MMD2: variants seen among roughly 807,000 people sequenced by gnomAD.
MMD2 encodes monocyte to macrophage differentiation associated 2, also known as monocyte to macrophage differentiation factor 2.
Under a neutral mutation model 33.5 loss-of-function variants are expected in MMD2, and 30 were observed. The ratio of observed to expected loss-of-function variants is 0.90; its 90% CI spans 0.67 to 1.22. The LOEUF (loss-of-function observed/expected upper bound fraction) is 1.22, where lower values mean the gene tolerates loss of function less well. Ranked by LOEUF, MMD2 falls within the 50% of genes most tolerant of loss-of-function variation. The pLI is 0.00. For synonymous variants in MMD2, 129 were observed against 123.0 expected, an observed-to-expected ratio of 1.05 and a Z score of -0.32; for missense variants, 364 against 325.4, an observed-to-expected ratio of 1.12 and a Z score of -0.91.
At chr7:4,903,819 G>A (rs551683455), downstream of MMD2, among the ~76,000 whole-genome samples, 1 of 152,340 alleles carries the variant, frequency 6.6e-6, no homozygotes, top group East Asian at 1.9e-4. Context: ...GCTGCCGACT[G>A]CTCTCCTGAC....
intron 4 of MMD2, among the ~76,000 whole-genome samples, chr7:4,913,773 T>G (rs1204099710): frequency 6.7e-6 from 1 of 149,268 alleles, no homozygotes; most frequent in Non-Finnish European, 1.5e-5. Context: ...GCCATTCTCC[T>G]GCCTTAGCCT....
At chr7:4,956,582 T>C (rs1382988381) in intron 1 of MMD2, among the ~76,000 whole-genome samples, 2 of 152,114 alleles carry the variant, frequency 1.3e-5, no homozygotes, top group Non-Finnish European at 2.9e-5. Context: ...AGAAGCTGCA[T>C]TGGCCCAAGC....
At chr7:4,907,669 C>G in intron 6 of MMD2, 70 bp from the exon 7 acceptor site, 1 of 1,522,276 alleles carries the variant, frequency 6.6e-7, no homozygotes, top group Non-Finnish European at 9.1e-7. Context: ...ACCAGCCAGT[C>G]CCCACCACCC....
At position 4,931,126 on chromosome 7, in the gene MMD2, C is replaced by T. The variant is rs116680819; in HGVS notation, c.48-5594G>A. On this transcript the variant is annotated intron_variant, in intron 1 of 6. Transcript: ENST00000401401. ...TCTGGCTCCTAAAGTGCCGGGGTTA[C>T]AGGCGTGAGCCACTGTGCCCGGCCT... is the stretch of plus-strand genomic sequence containing the variant. Among the ~76,000 whole-genome samples, 350 of 152,244 alleles carry T rather than the reference C, an allele frequency of 2.3e-3. 1 individual carries two copies. Among genetic ancestry groups the T allele is most frequent in the African/African-American group, 7.7e-3 (321 of 41,554 alleles).
At position 4,927,724 on chromosome 7, in the gene MMD2, A is replaced by C. The variant is rs539571838; in HGVS notation, c.48-2192T>G. The stretch of plus-strand genomic sequence containing the variant: ...TCATTCTCAAAAAAACCAAACCAAA[A>C]CAAAACAAACAAAACAAAAATTCCC... On this transcript the variant is annotated intron_variant, in intron 1 of 6. Coordinates refer to ENST00000401401, the MANE Select transcript of MMD2 (RefSeq NM_198403.4). Among the ~76,000 whole-genome samples, 40 of 152,060 alleles carry C rather than the reference A, an allele frequency of 2.6e-4. 1 individual carries two copies. The highest frequency in any genetic ancestry group is 1.7e-3 in the South Asian group (8 of 4,824).
chr7:4,912,078 G>A (rs1242758682), intron 4 of MMD2, among the ~76,000 whole-genome samples: 2 of 151,388 alleles, frequency 1.3e-5, no homozygotes, highest in African/African-American at 4.9e-5. Flanking sequence ...CTCCAGCCTG[G>A]GCAACAGAGT....
intron 1 of MMD2, among the ~76,000 whole-genome samples, chr7:4,932,482 C>A (rs1401862261): frequency 6.6e-6 from 1 of 152,164 alleles, no homozygotes; most frequent in African/African-American, 2.4e-5. Flanking sequence ...TACGGAGAGT[C>A]CTGTAACTGC....
At chr7:4,916,371 CTTTTTTTTT>C (rs553309427) in intron 3 of MMD2, among the ~76,000 whole-genome samples, 2 of 64,784 alleles carry the variant, frequency 3.1e-5, no homozygotes, top group Middle Eastern at 0.011. Flanking sequence ...CTCCGTCCCA[CTTTTTTTTT>C]TTTTTTTTTT....
intron 1 of MMD2, among the ~76,000 whole-genome samples, chr7:4,948,067 A>T (rs1786140841): frequency 6.6e-6 from 1 of 152,134 alleles, no homozygotes; most frequent in South Asian, 2.1e-4. Flanking sequence ...GGATACTGCT[A>T]AACCATTCAT....
the MMD2 span, among the ~76,000 whole-genome samples, chr7:4,899,090 G>A: frequency 6.6e-6 from 1 of 152,118 alleles, no homozygotes; most frequent in Non-Finnish European, 1.5e-5. Flanking sequence ...AGGCCTGAGA[G>A]AGCTGCTTTG....
Position 4,959,145 on chromosome 7 carries a change from C to CCCGGAG in MMD2, c.-134_-129dup, listed in dbSNP as rs1000594843. 1.4e-4 allele frequency: 105 copies of CCCGGAG among 738,350 alleles called. 1 individual carries two copies. The South Asian group carries it at 2.2e-3, about 16-fold the overall frequency. 45.7% of individuals were successfully genotyped at this position (738,350 alleles called of 1,614,324 possible). A position where few individuals can be genotyped will look rare whatever the true frequency, so the allele number is the denominator to read the frequency against. ...GGGGGCCAAGGGGACCTGGTCGGCG[C>CCCGGAG]CCGGAGCCGGAGCCGGAGCCCGAGC... On this transcript the variant is annotated 5_prime_UTR_variant, in exon 1 of 7. Transcript: ENST00000401401.
chr7:4,899,093 C>CT, the MMD2 span, among the ~76,000 whole-genome samples: 1 of 152,164 alleles, frequency 6.6e-6, no homozygotes, highest in African/African-American at 2.4e-5. Flanking sequence ...CCTGAGAGAG[C>CT]TGCTTTGCCC....
At chr7:4,917,399 T>A (rs535321188) in intron 3 of MMD2, among the ~76,000 whole-genome samples, 1 of 152,110 alleles carries the variant, frequency 6.6e-6, no homozygotes, top group Non-Finnish European at 1.5e-5. Context: ...TGGTGGCTCA[T>A]GCCTGTAATC....
At chr7:4,925,909 G>C (rs928241810) in intron 1 of MMD2, among the ~76,000 whole-genome samples, 1 of 152,186 alleles carries the variant, frequency 6.6e-6, no homozygotes, top group Non-Finnish European at 1.5e-5. Context: ...TGCCTCCCAA[G>C]TTCAAGCAAT....
At chr7:4,955,456 AG>A (rs949799910) in intron 1 of MMD2, among the ~76,000 whole-genome samples, 21 of 152,192 alleles carry the variant, frequency 1.4e-4, no homozygotes, top group African/African-American at 4.3e-4. Flanking sequence ...CTCTCACCAC[AG>A]AAGATACCAA....
At chr7:4,908,729 T>A (rs1234224644) in intron 6 of MMD2, among the ~76,000 whole-genome samples, 1 of 151,602 alleles carries the variant, frequency 6.6e-6, no homozygotes, top group African/African-American at 2.4e-5. Flanking sequence ...AAACCCCATC[T>A]CTACTAAAAA....
chr7:4,929,881 G>A (rs12672012), intron 1 of MMD2, among the ~76,000 whole-genome samples: 2 of 151,898 alleles, frequency 1.3e-5, no homozygotes, highest in Admixed American at 6.6e-5. Flanking sequence ...GGGTTGAACC[G>A]TGTCCTCCCA....
intron 3 of MMD2, among the ~76,000 whole-genome samples, chr7:4,916,304 C>A (rs539564831): frequency 1.3e-5 from 2 of 152,000 alleles, no homozygotes; most frequent in South Asian, 4.2e-4. Context: ...ATGGAGACAC[C>A]TTGCCTCGGG....
chr7:4,920,416 C>T (rs1203628434), intron 2 of MMD2, 85 bp from the exon 3 acceptor site: 1 of 1,411,838 alleles, frequency 7.1e-7, no homozygotes, highest in South Asian at 1.3e-5. Context: ...CTGAGCTGCC[C>T]AACGTGGCAG....
Sources: gnomAD v4.1 joint callset for allele counts (sites outside exome capture counted in the v4.1 genomes callset) on GRCh38, gnomAD v4.1.1 for gene constraint, MANE v1.5 for transcripts, NCBI Gene and HGNC (gene_info 2026-07-23, HGNC 2026-07-21) for gene names.